MARK3: variants seen among roughly 807,000 people sequenced by gnomAD.
MARK3 encodes the protein microtubule affinity regulating kinase 3, also known as MAP/microtubule affinity-regulating kinase 3.
A neutral mutation model predicts 90.1 loss-of-function variants in MARK3; 46 were observed. That is an observed-to-expected ratio of 0.51 (90% confidence interval 0.40 to 0.65). The LOEUF (loss-of-function observed/expected upper bound fraction) is 0.65. Ranked by LOEUF, MARK3 falls within the 30% of genes least tolerant of loss-of-function variation. The pLI, the probability that MARK3 is intolerant of heterozygous loss-of-function variation, is 0.00. For synonymous variants in MARK3, 321 were observed against 332.6 expected (o/e 0.97, Z 0.38); for missense variants, 818 against 947.2 (o/e 0.86, Z 1.79).
chr14:103,455,956 C>T (rs1170167034), intron 5 of MARK3, among the ~76,000 whole-genome samples: 2 of 152,120 alleles, frequency 1.3e-5, no homozygotes, highest in Non-Finnish European at 2.9e-5. Flanking sequence ...TTCCTGAAAA[C>T]ACTTATATCT....
Position 103,492,054 on chromosome 14 carries a change from T to G in MARK3, c.1844+20T>G, listed in dbSNP as rs1454077199. ...AAGGAGGTAAGTGCTAGGTGCTGGT[T>G]GTTTTGGAGTGAACACATAGAGCAA... On this transcript the variant is annotated intron_variant, in intron 15 of 17. Transcript: ENST00000429436. 3 of 1,611,092 alleles carry G rather than the reference T, an allele frequency of 1.9e-6. No individual in the cohort carries two copies. Among genetic ancestry groups the G allele is most frequent in the African/African-American group, 2.7e-5 (2 of 74,798 alleles).
At chr14:103,470,696 A>G (rs1424913902) in intron 12 of MARK3, among the ~76,000 whole-genome samples, 1 of 151,766 alleles carries the variant, frequency 6.6e-6, no homozygotes, top group Non-Finnish European at 1.5e-5. Context: ...AACTCAGGTG[A>G]TCCATCCACC....
At chr14:103,445,128 C>T (rs1415752249) in intron 3 of MARK3, among the ~76,000 whole-genome samples, 3 of 151,924 alleles carry the variant, frequency 2.0e-5, no homozygotes, top group Non-Finnish European at 2.9e-5. Flanking sequence ...CTGAGATGAA[C>T]GTAGACTTTG....
At chr14:103,449,010 C>A in intron 4 of MARK3, 43 bp downstream of exon 4, 1 of 1,518,090 alleles carries the variant, frequency 6.6e-7, no homozygotes, top group Non-Finnish European at 9.0e-7. Flanking sequence ...TAAATACGTA[C>A]TTGAAATTAT....
At chr14:103,438,983 T>C (rs530107367) in intron 3 of MARK3, among the ~76,000 whole-genome samples, 1 of 143,256 alleles carries the variant, frequency 7.0e-6, no homozygotes, top group African/African-American at 2.4e-5. Flanking sequence ...GCAAGACTCC[T>C]TCTCTAATTA....
chr14:103,416,200 T>C (rs2091937150), intron 2 of MARK3, among the ~76,000 whole-genome samples: 1 of 152,244 alleles, frequency 6.6e-6, no homozygotes, highest in Admixed American at 6.5e-5. Context: ...CTCACACATA[T>C]AATATAATGT....
intron 8 of MARK3, 73 bp from the exon 9 acceptor site, chr14:103,465,898 GT>G: frequency 1.3e-6 from 2 of 1,568,390 alleles, no homozygotes; most frequent in Non-Finnish European, 1.7e-6. Flanking sequence ...GTTTCAGGGG[GT>G]TTTTTGTTGT....
chr14:103,465,443 AT>A, intron 7 of MARK3, 113 bp from the exon 8 acceptor site: 1 of 674,856 alleles, frequency 1.5e-6, no homozygotes, highest in Non-Finnish European at 2.6e-6. Context: ...TTTCACATTA[AT>A]TAGGAGGTAA....
intron 3 of MARK3, among the ~76,000 whole-genome samples, chr14:103,446,354 C>T (rs866753210): frequency 2.0e-5 from 3 of 152,174 alleles, no homozygotes; most frequent in Middle Eastern, 3.4e-3. Flanking sequence ...GGCAAAACCC[C>T]GTCTCTGCTA....
intron 13 of MARK3, among the ~76,000 whole-genome samples, chr14:103,475,575 C>T (rs1293700618): frequency 6.6e-6 from 1 of 152,188 alleles, no homozygotes; most frequent in Non-Finnish European, 1.5e-5. Flanking sequence ...CTGGCATCCT[C>T]CAGAGGAGAC....
chr14:103,480,478 G>A lies in MARK3; in HGVS notation c.1574G>A (p.Gly525Asp), dbSNP rs764154078. 3.7e-6 allele frequency: 6 copies of A among 1,608,424 alleles called. No individual in the cohort carries two copies. The African/African-American group carries it at 8.0e-5, about 22-fold the overall frequency. ...TADRHSVIQN[G>D]KENSTIPDQR... The stretch of plus-strand genomic sequence containing the variant: ...GATAGACACTCAGTGATTCAGAATG[G>A]CAAAGAAAACAGGTAGGAGATTCTA... The change falls in exon 14 of 18, where the codon GGC becomes GAC. Residue 525 changes from glycine to aspartate, a missense_variant. Physicochemically the swap from Gly to Asp is moderately conservative, Grantham distance 94 (BLOSUM62 -1). Around this residue, in one of 3 missense-constraint regions of MARK3, gnomAD observed 560 missense variants for 613.5 expected, o/e 0.91. Transcript: ENST00000429436.
In MARK3 at chr14:103,428,371, T is replaced by G. The variant is rs1377763306; in HGVS notation, c.244-16T>G. ...CTAAATTCTTAAAATCCATAAATAT[T>G]TATTATTCTTTCTAGGTTGCAATAA... is the stretch of plus-strand genomic sequence containing the variant. On this transcript the variant is annotated splice_polypyrimidine_tract_variant and intron_variant, in intron 2 of 17. Transcript: ENST00000429436. 7 of 1,299,870 alleles carry G rather than the reference T, an allele frequency of 5.4e-6. No individual in the cohort carries two copies. In the Admixed American group the frequency reaches 1.5e-4, roughly 27 times the overall value. 80.5% of individuals were successfully genotyped at this position (1,299,870 alleles called of 1,614,324 possible). A position where few individuals can be genotyped will look rare whatever the true frequency, so the allele number is the denominator to read the frequency against.
intron 3 of MARK3, among the ~76,000 whole-genome samples, chr14:103,430,059 G>A (rs2092534632): frequency 1.3e-5 from 2 of 151,812 alleles, no homozygotes; most frequent in Admixed American, 1.3e-4. Flanking sequence ...TATCAGTTTA[G>A]TGCATGGTAG....
At chr14:103,405,044 A>G (rs1409036073) in intron 1 of MARK3, 32 bp from the exon 2 acceptor site, 1 of 1,581,880 alleles carries the variant, frequency 6.3e-7, no homozygotes, top group East Asian at 2.3e-5. Flanking sequence ...GTGTTCTCTC[A>G]TTTCCTTATC....
intron 3 of MARK3, among the ~76,000 whole-genome samples, chr14:103,433,276 G>A (rs914751941): frequency 6.6e-6 from 1 of 151,672 alleles, no homozygotes; most frequent in African/African-American, 2.4e-5. Context: ...AGTAGAGACA[G>A]GGTTTCACCA....
At chr14:103,457,349 A>T in intron 6 of MARK3, 137 bp downstream of exon 6, 1 of 610,736 alleles carries the variant, frequency 1.6e-6, no homozygotes, top group Non-Finnish European at 3.0e-6. Context: ...TTCAACAAAA[A>T]TTGATGAAGA....
chr14:103,385,757 G>T lies in MARK3; in HGVS notation c.-273G>T, dbSNP rs1388573544. 1.1e-5 allele frequency: 4 copies of T among 367,826 alleles called. No individual in the cohort carries two copies. The East Asian group carries it at 1.3e-4, about 12-fold the overall frequency. 22.8% of individuals were successfully genotyped at this position (367,826 alleles called of 1,614,324 possible). On this transcript the variant is annotated 5_prime_UTR_variant, in exon 1 of 18. Transcript: ENST00000429436. The stretch of plus-strand genomic sequence containing the variant: ...CAAGGGGACGCCGGCGGGCCGAAGC[G>T]CAGCCCGCCGCCCGCAGGCTCGGCT...
At chr14:103,462,134 G>A (rs2093414338) in intron 6 of MARK3, among the ~76,000 whole-genome samples, 1 of 151,826 alleles carries the variant, frequency 6.6e-6, no homozygotes, top group African/African-American at 2.4e-5. Flanking sequence ...GCACTACACT[G>A]TAAGTGGAAT....
chr14:103,392,903 G>A (rs199946497), intron 1 of MARK3, among the ~76,000 whole-genome samples: 1 of 151,514 alleles, frequency 6.6e-6, no homozygotes, highest in African/African-American at 2.4e-5. Flanking sequence ...TCCGCCTCCC[G>A]GGTTCAAGCG....
Sources: allele counts gnomAD v4.1 joint callset (sites outside exome capture counted in the v4.1 genomes callset), GRCh38; gene constraint gnomAD v4.1.1; regional missense constraint gnomAD v4.1.1; transcripts MANE v1.5; gene names NCBI Gene and HGNC (gene_info 2026-07-23, HGNC 2026-07-21).